The following YPEL2 variants were observed in gnomAD, a reference collection of about 807,000 sequenced individuals.
YPEL2 encodes protein yippee-like 2.
YPEL2 carries 2 observed loss-of-function variants against 19.1 expected under a neutral mutation model. That is an observed-to-expected ratio of 0.10 (90% CI 0.04 to 0.33). YPEL2 has a LOEUF of 0.33. Ranked by LOEUF, YPEL2 falls within the 10% of genes least tolerant of loss-of-function variation. The probability of loss-of-function intolerance (pLI) is 1.00; values close to 1 mark genes in which losing one functional copy is unlikely to be tolerated. For missense variants in YPEL2, 66 were observed against 140.7 expected, an observed-to-expected ratio of 0.47 and a Z score of 2.68; for synonymous variants, 52 against 50.0, an observed-to-expected ratio of 1.04 and a Z score of -0.17.
intron 2 of YPEL2, among the ~76,000 whole-genome samples, chr17:59,381,243 C>G (rs572808652): frequency 6.6e-6 from 1 of 152,168 alleles, no homozygotes; most frequent in Non-Finnish European, 1.5e-5. Flanking sequence ...CCTCTTACAC[C>G]GTGCAGATAT....
At chr17:59,376,633 T>C (rs2047922293) in intron 2 of YPEL2, among the ~76,000 whole-genome samples, 1 of 152,174 alleles carries the variant, frequency 6.6e-6, no homozygotes, top group Admixed American at 6.5e-5. Flanking sequence ...TTGAGAGGAT[T>C]AAGTTACTTC....
Position 59,399,989 on chromosome 17 carries a change from GT to G in YPEL2, c.*2802del, listed in dbSNP as rs1331478564. The G allele has an allele frequency of 6.5e-6, 1 of 152,698 alleles. No individual in the cohort carries two copies. The highest frequency in any genetic ancestry group is 2.4e-5 in the African/African-American group (1 of 41,430). The allele number at this position is 152,698 out of a possible 1,614,324, so 9.5% of individuals were successfully genotyped here. The stretch of plus-strand genomic sequence containing the variant: ...TATACCTCAGCCAGCAGCTGCCTTC[GT>G]TTGGAACTGAAGTCCAGCCAGCAGA... On this transcript the variant is annotated 3_prime_UTR_variant, in exon 5 of 5. Coordinates refer to ENST00000312655, the MANE Select transcript of YPEL2 (RefSeq NM_001005404.4).
At chr17:59,392,659 C>T (rs201760435) in intron 4 of YPEL2, among the ~76,000 whole-genome samples, 1 of 151,748 alleles carries the variant, frequency 6.6e-6, no homozygotes, top group African/African-American at 2.4e-5. Context: ...TACAGGTGTG[C>T]GCCACCACGC....
chr17:59,363,568 C>T lies in YPEL2; in HGVS notation c.117+10042C>T, dbSNP rs760494605. Reference sequence around the variant, plus strand: ...CCTCAAGTGATCCACCTGCCTCAGCCTCCCAAAATGCTGGGATTACAGGCA... The same window carrying T: ...CCTCAAGTGATCCACCTGCCTCAGCTTCCCAAAATGCTGGGATTACAGGCA... On this transcript the variant is annotated intron_variant, in intron 2 of 4. Coordinates refer to ENST00000312655, the MANE Select transcript of YPEL2 (RefSeq NM_001005404.4). Among the ~76,000 whole-genome samples the T allele has an allele frequency of 6.1e-4, 93 of 152,220 alleles. 1 individual carries two copies. The highest frequency in any genetic ancestry group is 5.1e-4 in the Non-Finnish European group (35 of 68,044).
chr17:59,355,573 C>T (rs1309480552), intron 2 of YPEL2: 1 of 152,176 alleles, frequency 6.6e-6, no homozygotes, highest in Non-Finnish European at 1.5e-5. Context: ...TGTCCGTTCT[C>T]CTTCACCTCC....
rs1428801708 is a variant in YPEL2 at position 59,394,616 on chromosome 17, G to T, written c.271-2485G>T. 3.3e-5 allele frequency among the ~76,000 whole-genome samples: 5 copies of T among 151,422 alleles called. No individual in the cohort carries two copies. The East Asian group carries it at 5.9e-4, about 18-fold the overall frequency. On this transcript the variant is annotated intron_variant, in intron 4 of 4. Transcript: ENST00000312655. ...CCTCACTTTCCAGACTGGGCAGCCA[G>T]GCAGAGGGGCTCCTCACATCCCAGA...
At chr17:59,360,804 A>G (rs1037364) in intron 2 of YPEL2, among the ~76,000 whole-genome samples, 31,120 of 152,048 alleles carry the variant, frequency 0.2, 3,796 homozygotes, top group East Asian at 0.44. Context: ...CCCGTTCAGG[A>G]TGAAAAGAGC....
At chr17:59,371,504 C>T (rs968360328) in intron 2 of YPEL2, among the ~76,000 whole-genome samples, 9 of 152,186 alleles carry the variant, frequency 5.9e-5, no homozygotes, top group Non-Finnish European at 1.0e-4. Context: ...GGCAAGCAAA[C>T]TCTGTGTTTG....
intron 1 of YPEL2, among the ~76,000 whole-genome samples, chr17:59,344,254 C>T (rs2047745368): frequency 6.6e-6 from 1 of 152,042 alleles, no homozygotes; most frequent in African/African-American, 2.4e-5. Flanking sequence ...GTTTAGAGGG[C>T]TTGAGAGGGT....
intron 2 of YPEL2, among the ~76,000 whole-genome samples, chr17:59,360,091 T>A (rs2047832993): frequency 6.6e-6 from 1 of 152,146 alleles, no homozygotes; most frequent in Admixed American, 6.5e-5. Context: ...TTATTTATTT[T>A]TTTGAGACGG....
At chr17:59,344,265 G>A (rs1212273449) in intron 1 of YPEL2, among the ~76,000 whole-genome samples, 1 of 152,180 alleles carries the variant, frequency 6.6e-6, no homozygotes, top group Non-Finnish European at 1.5e-5. Flanking sequence ...TTGAGAGGGT[G>A]TGGGTAAGAA....
intron 1 of YPEL2, among the ~76,000 whole-genome samples, chr17:59,351,553 G>GT (rs1567736723): frequency 6.6e-6 from 1 of 151,958 alleles, no homozygotes; most frequent in African/African-American, 2.4e-5. Flanking sequence ...TGATGAAGGG[G>GT]TTCTGGATCC....
rs1017355994 is a variant in YPEL2, at chr17:59,378,772, T to C, written c.118-9555T>C. On this transcript the variant is annotated intron_variant, in intron 2 of 4. Coordinates refer to ENST00000312655, the MANE Select transcript of YPEL2 (RefSeq NM_001005404.4). ...TCCACACAGCAGATATTTCCTCCTT[T>C]AGAGCCAGTGGCTTCCCTGCCCCTC... Among the ~76,000 whole-genome samples, 5 of 152,194 alleles carry C rather than the reference T, an allele frequency of 3.3e-5. No homozygotes were observed. In the East Asian group the frequency reaches 9.6e-4, roughly 29 times the overall value.
At chr17:59,380,986 C>A (rs7207970) in intron 2 of YPEL2, among the ~76,000 whole-genome samples, 46,643 of 152,084 alleles carry the variant, frequency 0.31, 7,495 homozygotes, top group Middle Eastern at 0.41. Flanking sequence ...TTAGAGTCAA[C>A]CTCTTCATCT....
chr17:59,352,744 A>G (rs2047793701), intron 1 of YPEL2, among the ~76,000 whole-genome samples: 1 of 152,166 alleles, frequency 6.6e-6, no homozygotes, highest in Non-Finnish European at 1.5e-5. Context: ...TGATGGCTTC[A>G]AGCGTTGGAC....
chr17:59,353,609 CAAG>C lies in YPEL2; in HGVS notation c.117+86_117+88del. The C allele has an allele frequency of 9.6e-7, 1 of 1,045,350 alleles. No individual in the cohort carries two copies. The highest frequency in any genetic ancestry group is 1.5e-6 in the Non-Finnish European group (1 of 666,092). 64.8% of individuals were successfully genotyped at this position (1,045,350 alleles called of 1,614,324 possible). ...GAAGTTGCAGAGGTTTACAAGCTCT[CAAG>C]AATATTTGTACTCCATCTTTGTACA... On this transcript the variant is annotated intron_variant, in intron 2 of 4. Transcript: ENST00000312655. This position sits in a 1 kb window ranked among gnomAD's most constrained non-coding sequence, Gnocchi z 4.8.
At chr17:59,382,385 GCCT>G (rs2047954139) in intron 2 of YPEL2, among the ~76,000 whole-genome samples, 1 of 35,692 alleles carries the variant, frequency 2.8e-5, no homozygotes, top group Non-Finnish European at 5.4e-5. Flanking sequence ...CCTCCACCCC[GCCT>G]CTCTCTAGGA....
rs2048064666 is a variant in YPEL2 at position 59,400,441 on chromosome 17, G to A, written c.*3251G>A. On this transcript the variant is annotated 3_prime_UTR_variant, in exon 5 of 5. Transcript: ENST00000312655. ...TTCTATGGTTTCCTTTGCATTTCTT[G>A]AAGTATATTTTAAGGGAAACAGTGA... 6.7e-6 allele frequency: 1 copy of A among 149,704 alleles called. No homozygotes were observed. The highest frequency in any genetic ancestry group is 2.1e-4 in the South Asian group (1 of 4,760). The allele number at this position is 149,704 out of a possible 1,614,324, so 9.3% of individuals were successfully genotyped here. A position where few individuals can be genotyped will look rare whatever the true frequency, so the allele number is the denominator to read the frequency against.
intron 1 of YPEL2, among the ~76,000 whole-genome samples, chr17:59,339,174 C>T (rs1487788327): frequency 7.2e-6 from 1 of 139,424 alleles, no homozygotes; most frequent in African/African-American, 2.7e-5. Context: ...TGTTGGGGGT[C>T]CCTCCCTACA....
Sources: gnomAD v4.1 joint callset for allele counts (sites outside exome capture counted in the v4.1 genomes callset) on GRCh38, gnomAD v4.1.1 for gene constraint, Gnocchi (gnomAD v3.1) non-coding constraint, MANE v1.5 for transcripts, NCBI Gene and HGNC (gene_info 2026-07-23, HGNC 2026-07-21) for gene names.